SLC9A3: variants seen among roughly 807,000 people sequenced by gnomAD.
SLC9A3 encodes solute carrier family 9 member A3.
Under a neutral mutation model 86.8 loss-of-function variants are expected in SLC9A3, and 37 were observed. That is an observed-to-expected ratio of 0.43 (90% CI 0.33 to 0.56). The LOEUF (loss-of-function observed/expected upper bound fraction) is 0.56, where lower values mean the gene tolerates loss of function less well. Ranked by LOEUF, SLC9A3 falls within the 20% of genes least tolerant of loss-of-function variation. SLC9A3 has a pLI of 0.06. For missense variants in SLC9A3, 1,011 were observed against 1,171.9 expected (o/e 0.86, Z 2.00); for synonymous variants, 581 against 528.3 (o/e 1.10, Z -1.37).
At chr5:510,220 C>T (rs954384825) in intron 1 of SLC9A3, among the ~76,000 whole-genome samples, 8 of 152,240 alleles carry the variant, frequency 5.3e-5, no homozygotes, top group African/African-American at 9.6e-5. Context: ...CAGAGACCAT[C>T]GTTCCCTCCA....
chr5:473,441 G>T, intron 16 of SLC9A3, 59 bp from the exon 17 acceptor site: 1 of 1,314,764 alleles, frequency 7.6e-7, no homozygotes, highest in Non-Finnish European at 9.7e-7. Flanking sequence ...CGGGAGGGGC[G>T]TCCCCGGGGG....
chr5:486,847 CACACT>C (rs1272420837), intron 3 of SLC9A3, among the ~76,000 whole-genome samples: 3,519 of 133,750 alleles, frequency 0.026, 161 homozygotes, highest in Middle Eastern at 0.07. Context: ...AGGAGCCCAC[CACACT>C]GACACCGTGA....
At position 475,550 on chromosome 5, in the gene SLC9A3, C is replaced by T. The variant is rs1469193515; in HGVS notation, c.2251+11G>A. The T allele has an allele frequency of 1.3e-6, 2 of 1,506,722 alleles. No individual in the cohort carries two copies. The highest frequency in any genetic ancestry group is 2.0e-5 in the Admixed American group (1 of 50,942). 93.3% of individuals were successfully genotyped at this position (1,506,722 alleles called of 1,614,324 possible). On this transcript the variant is annotated intron_variant, in intron 15 of 16. Transcript: ENST00000264938. Reference sequence around the variant, plus strand: ...CCTCCCTTAGCCACGACGCCTGTGCCCCGTCCCCACCTGCAGGGGAGTCGG... The same window carrying T: ...CCTCCCTTAGCCACGACGCCTGTGCTCCGTCCCCACCTGCAGGGGAGTCGG...
At chr5:482,187 C>T in intron 7 of SLC9A3, 30 bp from the exon 8 acceptor site, 2 of 1,535,408 alleles carry the variant, frequency 1.3e-6, no homozygotes, top group Non-Finnish European at 1.8e-6. Flanking sequence ...GACCCTGGTG[C>T]CAGGCAGCCC....
chr5:493,073 C>T (rs1056615630), intron 1 of SLC9A3, among the ~76,000 whole-genome samples: 1 of 151,996 alleles, frequency 6.6e-6, no homozygotes, highest in Non-Finnish European at 1.5e-5. Flanking sequence ...GGTGCAGGCA[C>T]CAACCTATCT....
intron 8 of SLC9A3, 117 bp from the exon 9 acceptor site, chr5:481,752 G>A: frequency 1.1e-6 from 1 of 896,698 alleles, no homozygotes; most frequent in Middle Eastern, 3.0e-4. Context: ...CACGCCCCTG[G>A]CCTGGACGCA....
At chr5:488,972 G>A (rs1204119921) in intron 2 of SLC9A3, among the ~76,000 whole-genome samples, 2 of 152,096 alleles carry the variant, frequency 1.3e-5, no homozygotes, top group Non-Finnish European at 2.9e-5. Context: ...GAGCAAGGGG[G>A]CCCGGAAGAC....
intron 1 of SLC9A3, among the ~76,000 whole-genome samples, chr5:520,550 G>A (rs1314031417): frequency 6.6e-6 from 1 of 152,090 alleles, no homozygotes; most frequent in Non-Finnish European, 1.5e-5. Flanking sequence ...CATCCTCCCG[G>A]AATCTCCCCG....
intron 1 of SLC9A3, among the ~76,000 whole-genome samples, chr5:510,349 C>T (rs184476845): frequency 5.3e-5 from 8 of 152,310 alleles, no homozygotes; most frequent in Admixed American, 2.6e-4. Context: ...GACACACCCT[C>T]GAGAGCCGCC....
chr5:510,378 G>T lies in SLC9A3; in HGVS notation c.211+13734C>A, dbSNP rs55773830. On this transcript the variant is annotated intron_variant, in intron 1 of 16. Coordinates refer to ENST00000264938, the MANE Select transcript of SLC9A3 (RefSeq NM_004174.4). Reference sequence around the variant, plus strand: ...AGCCGCCGGCAGCACGCTTGGTCCCGGCCTGGAGACAGGGGCCAGCACAGT... The same window carrying T: ...AGCCGCCGGCAGCACGCTTGGTCCCTGCCTGGAGACAGGGGCCAGCACAGT... Among the ~76,000 whole-genome samples, 4 of 152,238 alleles carry T rather than the reference G, an allele frequency of 2.6e-5. No homozygotes were observed. The East Asian group carries it at 7.7e-4, about 29-fold the overall frequency.
Position 472,905 on chromosome 5 carries a change from G to T in SLC9A3, c.*474C>A. 1 of 534,064 alleles carries T rather than the reference G, an allele frequency of 1.9e-6. No individual in the cohort carries two copies. The highest frequency in any genetic ancestry group is 3.4e-6 in the Non-Finnish European group (1 of 292,658). 33.1% of individuals were successfully genotyped at this position (534,064 alleles called of 1,614,324 possible). A position where few individuals can be genotyped will look rare whatever the true frequency, so the allele number is the denominator to read the frequency against. The stretch of plus-strand genomic sequence containing the variant: ...TGGGGCGAGCCTCGGTTTCCCGGCA[G>T]CGGTGGGAAAGGGCGCGAGCGGCCA... On this transcript the variant is annotated 3_prime_UTR_variant, in exon 17 of 17. Coordinates refer to ENST00000264938, the MANE Select transcript of SLC9A3 (RefSeq NM_004174.4).
At chr5:514,723 T>TA (rs2126654378) in intron 1 of SLC9A3, among the ~76,000 whole-genome samples, 1 of 152,362 alleles carries the variant, frequency 6.6e-6, no homozygotes, top group East Asian at 1.9e-4. Flanking sequence ...CCAAAGCTCT[T>TA]AAAAACAGGC....
At chr5:500,315 G>C (rs1328539632) in intron 1 of SLC9A3, among the ~76,000 whole-genome samples, 1 of 152,266 alleles carries the variant, frequency 6.6e-6, no homozygotes, top group African/African-American at 2.4e-5. Flanking sequence ...GCACCACTGG[G>C]ACACGCCACG....
chr5:483,500 C>T lies in SLC9A3; in HGVS notation c.933-18G>A, dbSNP rs1263601731. 8 of 1,543,430 alleles carry T rather than the reference C, an allele frequency of 5.2e-6. No homozygotes were observed. The African/African-American group carries it at 5.5e-5, about 11-fold the overall frequency. On this transcript the variant is annotated intron_variant, in intron 5 of 16. Coordinates refer to ENST00000264938, the MANE Select transcript of SLC9A3 (RefSeq NM_004174.4). ...AGGTGATGCTGCAGGGACAGACGCG[C>T]CTCAGGACACGGCCACCTGGCCTGG... is the stretch of plus-strand genomic sequence containing the variant.
Position 482,091 on chromosome 5 carries a change from G to A in SLC9A3, c.1423C>T (p.Leu475Phe). 6.3e-7 allele frequency: 1 copy of A among 1,593,406 alleles called. No homozygotes were observed. The highest frequency in any genetic ancestry group is 8.6e-7 in the Non-Finnish European group (1 of 1,167,558). ...VKRSEHREPR[L>F]NEKLHGRAFD... ...ACGCGCCCGTGCAGCTTCTCGTTGAGCCGAGGTTCCCGGTGCTCGCTCCTC... is the reference window on the plus strand; with the variant it reads ...ACGCGCCCGTGCAGCTTCTCGTTGAACCGAGGTTCCCGGTGCTCGCTCCTC... The change falls in exon 8 of 17, where the codon CTC becomes TTC. Residue 475 changes from leucine (L) to phenylalanine (F), a missense_variant. By Grantham distance (22) the Leu-to-Phe change is conservative. Coordinates refer to ENST00000264938, the MANE Select transcript of SLC9A3 (RefSeq NM_004174.4).
chr5:485,154 T>C lies in SLC9A3; in HGVS notation c.753A>G (p.Ile251Met). ...NVTGVDCVKGIVSFFVVSLGG... is the reference protein window; with the variant it reads ...NVTGVDCVKGMVSFFVVSLGG... The stretch of plus-strand genomic sequence containing the variant: ...TCCCCCTGACCCACAGCTACACACC[T>C]ATGCCCTTCACGCAGTCCACGCCAG... The change falls in exon 4 of 17, where the codon ATA (isoleucine) becomes ATG (methionine). Residue 251 changes from isoleucine (I) to methionine (M), a missense_variant and splice_region_variant. Coordinates refer to ENST00000264938, the MANE Select transcript of SLC9A3 (RefSeq NM_004174.4). The C allele has an allele frequency of 1.9e-6, 3 of 1,612,078 alleles. No individual in the cohort carries two copies. Among genetic ancestry groups the C allele is most frequent in the Non-Finnish European group, 2.5e-6 (3 of 1,178,278 alleles).
intron 1 of SLC9A3, among the ~76,000 whole-genome samples, chr5:517,810 AAACC>A (rs1164490062): frequency 1.6e-5 from 1 of 61,904 alleles, no homozygotes; most frequent in Non-Finnish European, 4.3e-5. Flanking sequence ...CCATCCATCC[AAACC>A]ATCCATCCAT....
intron 1 of SLC9A3, among the ~76,000 whole-genome samples, chr5:494,617 T>G (rs1739936374): frequency 6.6e-6 from 1 of 152,184 alleles, no homozygotes; most frequent in African/African-American, 2.4e-5. Flanking sequence ...CTTCCTTCCT[T>G]TCTTCCTGAG....
rs1424061623 is a variant in SLC9A3, at chr5:485,157, G to A, written c.750C>T (p.Gly250=). 1.9e-6 allele frequency: 3 copies of A among 1,612,254 alleles called. No individual in the cohort carries two copies. Among genetic ancestry groups the A allele is most frequent in the South Asian group, 2.2e-5 (2 of 91,066 alleles). ...DNVTGVDCVK[G]IVSFFVVSLG... is the part of the protein sequence containing the mutation. Reference sequence around the variant, plus strand: ...CCCTGACCCACAGCTACACACCTATGCCCTTCACGCAGTCCACGCCAGTCA... The same window carrying A: ...CCCTGACCCACAGCTACACACCTATACCCTTCACGCAGTCCACGCCAGTCA... The change falls in exon 4 of 17, where the codon GGC becomes GGT. Residue 250 remains glycine (G), a synonymous_variant. Transcript: ENST00000264938.
Sources: gnomAD v4.1 joint callset for allele counts (sites outside exome capture counted in the v4.1 genomes callset) on GRCh38, gnomAD v4.1.1 for gene constraint, MANE v1.5 for transcripts, NCBI Gene and HGNC (gene_info 2026-07-23, HGNC 2026-07-21) for gene names.